Variants in ASAP2 observed in about 807,000 individuals in gnomAD.
ASAP2 encodes the protein ArfGAP with SH3 domain, ankyrin repeat and PH domain 2.
A neutral mutation model predicts 131.4 loss-of-function variants in ASAP2; 45 were observed. The observed-to-expected ratio is 0.34, with a 90% CI of 0.27 to 0.44. The LOEUF is 0.44. Ranked by LOEUF, ASAP2 falls within the 20% of genes least tolerant of loss-of-function variation. ASAP2 has a pLI of 1.00. For synonymous variants in ASAP2, 510 were observed against 503.0 expected, an observed-to-expected ratio of 1.01 and a Z score of -0.19; for missense variants, 1,011 against 1,297.0, an observed-to-expected ratio of 0.78 and a Z score of 3.39.
At chr2:9,229,131 C>T (rs1306329873) in intron 1 of ASAP2, among the ~76,000 whole-genome samples, 1 of 152,090 alleles carries the variant, frequency 6.6e-6, no homozygotes, top group Non-Finnish European at 1.5e-5. Context: ...ATGTACTAAA[C>T]ATCTGTACAG....
chr2:9,334,314 C>A (rs1272601003), intron 7 of ASAP2, among the ~76,000 whole-genome samples: 1 of 151,070 alleles, frequency 6.6e-6, no homozygotes, highest in Non-Finnish European at 1.5e-5. Flanking sequence ...CTCCCCAAGT[C>A]CCTCACCCTG....
At chr2:9,314,528 CT>C (rs1669517670) in intron 3 of ASAP2, among the ~76,000 whole-genome samples, 1 of 152,158 alleles carries the variant, frequency 6.6e-6, no homozygotes, top group Admixed American at 6.5e-5. Flanking sequence ...AAGCCCCATG[CT>C]AAGAGCTCTG....
intron 3 of ASAP2, among the ~76,000 whole-genome samples, chr2:9,303,289 C>T (rs1668612950): frequency 6.6e-6 from 1 of 152,182 alleles, no homozygotes; most frequent in Non-Finnish European, 1.5e-5. Context: ...TGGATTAGTC[C>T]TGGACTATTA....
Position 9,342,067 on chromosome 2 carries a change from T to C in ASAP2, c.850-2465T>C, listed in dbSNP as rs575153155. The stretch of plus-strand genomic sequence containing the variant: ...TCATGTGCATGGGTTGGAAGACTTA[T>C]TGTGAAGATAACAGTACTCCCCTAA... On this transcript the variant is annotated intron_variant, in intron 9 of 27. Coordinates refer to ENST00000281419, the MANE Select transcript of ASAP2 (RefSeq NM_003887.3). Among the ~76,000 whole-genome samples the C allele has an allele frequency of 1.1e-4, 16 of 152,210 alleles. No homozygotes were observed. In the South Asian group the frequency reaches 3.1e-3, roughly 30 times the overall value.
rs759981241 is a variant in ASAP2, at chr2:9,374,921, A to G, written c.1723A>G (p.Lys575Glu). 6.2e-7 allele frequency: 1 copy of G among 1,609,758 alleles called. No individual in the cohort carries two copies. Among genetic ancestry groups the G allele is most frequent in the Non-Finnish European group, 8.5e-7 (1 of 1,178,586 alleles). The change falls in exon 17 of 28, where the codon AAA (lysine) becomes GAA (glutamate). Residue 575 changes from lysine (K) to glutamate (E), a missense_variant. Physicochemically the swap from Lys to Glu is moderately conservative, Grantham distance 56 (BLOSUM62 1). Around this residue, in one of 2 missense-constraint regions of ASAP2, gnomAD observed 652 missense variants for 698.9 expected, o/e 0.93. Transcript: ENST00000281419. The stretch of plus-strand genomic sequence containing the variant: ...TGCTGATGGTGTGGATCTTACGGAA[A>G]AAATCCCACTGGCCAACGGACATGT... The part of the protein sequence containing the change: ...AYADGVDLTE[K>E]IPLANGHEPD...
chr2:9,209,506 A>C (rs181615058), intron 1 of ASAP2, among the ~76,000 whole-genome samples: 41 of 152,382 alleles, frequency 2.7e-4, no homozygotes, highest in African/African-American at 9.6e-4. Context: ...CAAATAAATA[A>C]AATTTGCAAG....
At chr2:9,317,749 C>A (rs1188536973) in intron 3 of ASAP2, among the ~76,000 whole-genome samples, 1 of 151,314 alleles carries the variant, frequency 6.6e-6, no homozygotes, top group Non-Finnish European at 1.5e-5. Context: ...TCCACACTCA[C>A]ACTCACATCC....
Position 9,391,088 on chromosome 2 carries a change from C to T in ASAP2, c.2410C>T (p.Leu804=), listed in dbSNP as rs565906590. 1.9e-6 allele frequency: 3 copies of T among 1,614,272 alleles called. No homozygotes were observed. The highest frequency in any genetic ancestry group is 2.2e-5 in the South Asian group (2 of 91,086). ...KVQTASSANT[L]WKTNSVSVDG... The stretch of plus-strand genomic sequence containing the variant: ...TCAGACAGCCTCCTCTGCTAACACC[C>T]TGTGGAAGACAAACTCTGTAAGTGT... The change falls in exon 23 of 28, where the codon CTG becomes TTG. Residue 804 remains leucine (L), a synonymous_variant. Transcript: ENST00000281419.
At chr2:9,298,464 A>G (rs1232440543) in intron 3 of ASAP2, among the ~76,000 whole-genome samples, 1 of 152,192 alleles carries the variant, frequency 6.6e-6, no homozygotes, top group Admixed American at 6.5e-5. Context: ...TAAAAGTAAA[A>G]AACTGTTTCT....
intron 1 of ASAP2, among the ~76,000 whole-genome samples, chr2:9,265,816 A>G (rs1665896707): frequency 6.6e-6 from 1 of 152,150 alleles, no homozygotes; most frequent in Non-Finnish European, 1.5e-5. Context: ...CTTGTTGCCA[A>G]AGCTGGAGTG....
chr2:9,363,865 G>A (rs1306097202), intron 15 of ASAP2, among the ~76,000 whole-genome samples: 2 of 152,144 alleles, frequency 1.3e-5, no homozygotes, highest in African/African-American at 2.4e-5. Flanking sequence ...TGAACCGCCT[G>A]CAGCCTAGCA....
At chr2:9,291,856 G>GT (rs1333777809) in intron 2 of ASAP2, among the ~76,000 whole-genome samples, 1 of 152,088 alleles carries the variant, frequency 6.6e-6, no homozygotes, top group African/African-American at 2.4e-5. Flanking sequence ...TGGTGTTCAG[G>GT]TTAATGGTAC....
intron 4 of ASAP2, among the ~76,000 whole-genome samples, chr2:9,319,249 G>A (rs1368312370): frequency 1.3e-5 from 2 of 152,252 alleles, no homozygotes; most frequent in African/African-American, 2.4e-5. Flanking sequence ...CGTGCACCAC[G>A]GAAGGGACGT....
At chr2:9,299,171 T>C (rs1668335696) in intron 3 of ASAP2, among the ~76,000 whole-genome samples, 1 of 151,406 alleles carries the variant, frequency 6.6e-6, no homozygotes, top group East Asian at 1.9e-4. Context: ...AACGGAAGAG[T>C]CTCCAAGTTG....
At chr2:9,315,091 A>C (rs554153145) in intron 3 of ASAP2, among the ~76,000 whole-genome samples, 1 of 152,330 alleles carries the variant, frequency 6.6e-6, no homozygotes, top group East Asian at 1.9e-4. Context: ...GTCGAATAGA[A>C]CAAATTGAGC....
In ASAP2 at chr2:9,376,834, C is replaced by G. The variant is rs116758074; in HGVS notation, c.1747-74C>G. ...AAAAGACTTTTGGAAGAGTTGTACA[C>G]GATTTCACCGGTGTTGGACACAGAA... is the stretch of plus-strand genomic sequence containing the variant. On this transcript the variant is annotated intron_variant, in intron 17 of 27. Coordinates refer to ENST00000281419, the MANE Select transcript of ASAP2 (RefSeq NM_003887.3). 21 of 1,337,894 alleles carry G rather than the reference C, an allele frequency of 1.6e-5. No homozygotes were observed. The South Asian group carries it at 2.2e-4, about 14-fold the overall frequency. The allele number at this position is 1,337,894 out of a possible 1,614,324, so 82.9% of individuals were successfully genotyped here.
chr2:9,305,941 A>G (rs1374628401), intron 3 of ASAP2, among the ~76,000 whole-genome samples: 2 of 145,400 alleles, frequency 1.4e-5, no homozygotes. Flanking sequence ...GGGCTGTAAT[A>G]GTGGGGTACA....
intron 14 of ASAP2, among the ~76,000 whole-genome samples, chr2:9,357,383 G>T (rs1199911436): frequency 6.6e-6 from 1 of 152,110 alleles, no homozygotes; most frequent in Non-Finnish European, 1.5e-5. Context: ...GGAGGCTGAG[G>T]CAGGAGAATC....
At position 9,307,942 on chromosome 2, in the gene ASAP2, G is replaced by T. The variant is rs1408646964; in HGVS notation, c.345+10497G>T. 3.3e-5 allele frequency among the ~76,000 whole-genome samples: 5 copies of T among 152,234 alleles called. No individual in the cohort carries two copies. The South Asian group carries it at 1.0e-3, about 32-fold the overall frequency. On this transcript the variant is annotated intron_variant, in intron 3 of 27. Coordinates refer to ENST00000281419, the MANE Select transcript of ASAP2 (RefSeq NM_003887.3). ...TAGACGGGAGTGTGTGCATACGTGT[G>T]CTTGTCTGTGTGCATGCATATGTGT...
Sources: gnomAD v4.1 joint callset for allele counts (sites outside exome capture counted in the v4.1 genomes callset) on GRCh38, gnomAD v4.1.1 for gene constraint, gnomAD v4.1.1 regional missense constraint, MANE v1.5 for transcripts, NCBI Gene and HGNC (gene_info 2026-07-23, HGNC 2026-07-21) for gene names.